MOSPD1: variants seen among roughly 807,000 people sequenced by gnomAD.
The protein encoded by MOSPD1 is motile sperm domain-containing protein 1.
Under a neutral mutation model 16.7 loss-of-function variants are expected in MOSPD1, and 5 were observed. The observed-to-expected ratio is 0.30, with a 90% CI of 0.16 to 0.63. The LOEUF is 0.63. Ranked by LOEUF, MOSPD1 falls within the 30% of genes least tolerant of loss-of-function variation. MOSPD1 has a pLI of 0.82. For synonymous variants in MOSPD1, 67 were observed against 59.2 expected (o/e 1.13, Z -0.61); for missense variants, 104 against 153.6 (o/e 0.68, Z 1.71).
In MOSPD1 at chrX:134,888,524, A is replaced by T. The variant is rs2148388285; in HGVS notation, c.*637T>A. The T allele has an allele frequency of 9.0e-6, 1 of 111,438 alleles. No individual in the cohort carries two copies. Among genetic ancestry groups the T allele is most frequent in the Admixed American group, 9.6e-5 (1 of 10,432 alleles). 9.2% of individuals were successfully genotyped at this position (111,438 alleles called of 1,213,427 possible). ...ACCCTACTTCTATTAGGTTTTTTAA[A>T]AAAAAACCCCTATGATTCTTGGTGT... On this transcript the variant is annotated 3_prime_UTR_variant, in exon 6 of 6. Transcript: ENST00000370783.
chrX:134,896,836 A>G lies in MOSPD1; in HGVS notation c.429T>C (p.Phe143=). The part of the protein sequence containing the change: ...LKEHLTESLF[F]EQSFQPENRA... ...AACTACCTGGTTGAAACGACTGCTC[A>G]AAAAATAAACTTTCAGTTAAATGTT... The change falls in exon 4 of 6, where the codon TTT becomes TTC. Residue 143 remains phenylalanine, a synonymous_variant. Transcript: ENST00000370783. The G allele has an allele frequency of 8.3e-7, 1 of 1,210,642 alleles. No individual in the cohort carries two copies. Among genetic ancestry groups the G allele is most frequent in the Non-Finnish European group, 1.1e-6 (1 of 894,500 alleles).
intron 4 of MOSPD1, among the ~76,000 whole-genome samples, chrX:134,893,889 G>A (rs1229775698): frequency 1.8e-5 from 2 of 111,229 alleles, no homozygotes; most frequent in South Asian, 3.7e-4. Context: ...CAATAATTAA[G>A]ACCATAATTT....
At chrX:134,895,927 C>G (rs2082883003) in intron 4 of MOSPD1, among the ~76,000 whole-genome samples, 1 of 111,279 alleles carries the variant, frequency 9.0e-6, no homozygotes, top group Non-Finnish European at 1.9e-5. Context: ...TACAGTAAAT[C>G]AAAGAGGCAC....
intron 1 of MOSPD1, among the ~76,000 whole-genome samples, chrX:134,902,125 C>G (rs73570743): frequency 0.026 from 2,897 of 111,211 alleles, 101 homozygotes; most frequent in African/African-American, 0.091. Flanking sequence ...AAGGTTGAAG[C>G]CTGGCGCCAT....
intron 4 of MOSPD1, among the ~76,000 whole-genome samples, chrX:134,893,795 C>A (rs182486564): frequency 2.1e-3 from 234 of 111,411 alleles, no homozygotes; most frequent in African/African-American, 7.1e-3. Flanking sequence ...GTCTGCCTGG[C>A]ACACTATCTT....
chrX:134,904,664 C>T (rs750437407), intron 1 of MOSPD1, among the ~76,000 whole-genome samples: 167 of 110,607 alleles, frequency 1.5e-3, no homozygotes, highest in African/African-American at 5.3e-3. Context: ...GAGTTTCAGA[C>T]CAGCCTGACC....
intron 3 of MOSPD1, among the ~76,000 whole-genome samples, chrX:134,897,890 C>T (rs1324130840): frequency 1.8e-5 from 2 of 111,674 alleles, no homozygotes; most frequent in East Asian, 5.6e-4. Flanking sequence ...TTTTTTGAGA[C>T]GGAGTTTCAC....
At chrX:134,912,728 A>T (rs1307155830) in intron 1 of MOSPD1, among the ~76,000 whole-genome samples, 2 of 106,872 alleles carry the variant, frequency 1.9e-5, no homozygotes, top group African/African-American at 6.8e-5. Context: ...TCACGAGGTC[A>T]GGAGATCGAG....
At chrX:134,909,111 CA>C (rs200012314) in intron 1 of MOSPD1, among the ~76,000 whole-genome samples, 6 of 105,600 alleles carry the variant, frequency 5.7e-5, no homozygotes, top group Admixed American at 1.0e-4. Context: ...ACTAAAAATA[CA>C]AAAAAAAAAT....
rs1329703628 is a variant in MOSPD1 at position 134,888,347 on chromosome X, T to C, written c.*814A>G. On this transcript the variant is annotated 3_prime_UTR_variant, in exon 6 of 6. Coordinates refer to ENST00000370783, the MANE Select transcript of MOSPD1 (RefSeq NM_019556.3). ...TGGTATCTGGTAATCCCAGTCTGGG[T>C]AAGTCAGGCAGGGAGGGGCTTGGAA... 1 of 111,938 alleles carries C rather than the reference T, an allele frequency of 8.9e-6. No individual in the cohort carries two copies. Among genetic ancestry groups the C allele is most frequent in the Non-Finnish European group, 1.9e-5 (1 of 53,105 alleles). The allele number at this position is 111,938 out of a possible 1,213,427, so 9.2% of individuals were successfully genotyped here.
intron 1 of MOSPD1, among the ~76,000 whole-genome samples, chrX:134,900,905 A>C (rs1341028733): frequency 8.9e-6 from 1 of 111,736 alleles, no homozygotes; most frequent in South Asian, 3.7e-4. Context: ...TAAAATGTAC[A>C]ATCAGAGAAA....
chrX:134,903,726 A>AAG (rs1556360331), intron 1 of MOSPD1, among the ~76,000 whole-genome samples: 5 of 102,841 alleles, frequency 4.9e-5, no homozygotes, highest in African/African-American at 1.0e-4. Context: ...AAAAAAAAAA[A>AAG]AAAGAAAGAA....
At chrX:134,902,729 G>A (rs762455445) in intron 1 of MOSPD1, among the ~76,000 whole-genome samples, 2 of 109,196 alleles carry the variant, frequency 1.8e-5, no homozygotes, top group South Asian at 4.0e-4. Context: ...GGGACATTGA[G>A]GCTACAGTGA....
In MOSPD1 at chrX:134,899,146, A is replaced by G. The variant is rs773866360; in HGVS notation, c.174T>C (p.Asn58=). ...LKFKVLCTTP[N]KYVVVDAAGA... is the part of the protein sequence containing the mutation. ...CTGCAGCATCAACGACAACATACTT[A>G]TTTGGAGTAGTACACAAAACTGAAA... The change falls in exon 3 of 6, where the codon AAT becomes AAC. Residue 58 remains asparagine (N), a synonymous_variant. Transcript: ENST00000370783. 5.1e-5 allele frequency: 61 copies of G among 1,205,280 alleles called. No individual in the cohort carries two copies. Among genetic ancestry groups the G allele is most frequent in the Non-Finnish European group, 1.3e-5 (12 of 892,699 alleles).
At chrX:134,894,981 A>C (rs2082878763) in intron 4 of MOSPD1, among the ~76,000 whole-genome samples, 1 of 112,183 alleles carries the variant, frequency 8.9e-6, no homozygotes. Flanking sequence ...TGCTAGCATC[A>C]CCTATCCTCA....
intron 1 of MOSPD1, chrX:134,900,047 T>C (rs1011465210): frequency 2.7e-5 from 3 of 112,226 alleles, no homozygotes; most frequent in African/African-American, 9.7e-5. Flanking sequence ...AAGAAGTTTA[T>C]ACATGCTCCT....
intron 1 of MOSPD1, chrX:134,899,885 G>A (rs1357589493): frequency 9.0e-6 from 1 of 111,421 alleles, no homozygotes; most frequent in East Asian, 2.8e-4. Context: ...GAACCTGGGA[G>A]GTAAAGGATG....
In MOSPD1 at chrX:134,909,232, T is replaced by C. The variant is rs539760188; in HGVS notation, c.-102+5950A>G. Among the ~76,000 whole-genome samples, 4 of 110,038 alleles carry C rather than the reference T, an allele frequency of 3.6e-5. No homozygotes were observed. The South Asian group carries it at 1.6e-3, about 44-fold the overall frequency. On this transcript the variant is annotated intron_variant, in intron 1 of 5. Transcript: ENST00000370783. ...CTTGCAGTGAGCCGAGATCCGCCAC[T>C]GCACTCCAGCCTGGGCGACAGGCGA...
Position 134,891,550 on chromosome X carries a change from T to A in MOSPD1, c.539A>T (p.Asp180Val). The change falls in exon 5 of 6, where the codon GAT becomes GTT. Residue 180 changes from aspartate to valine, a missense_variant. Asp to Val is a radical substitution (Grantham distance 152). This residue lies in a region of MOSPD1 where 15 missense variants were observed against 27.9 expected (regional missense o/e 0.54). Transcript: ENST00000370783. ...GTAGAGAGGCACCAGCGATTCCACA[T>A]CCCCCAGTGTAGGCAGCATCAGGGC... is the stretch of plus-strand genomic sequence containing the variant. ...IAALMLPTLG[D>V]VESLVPLYLH... is the part of the protein sequence containing the mutation. The A allele has an allele frequency of 8.3e-7, 1 of 1,210,781 alleles. No homozygotes were observed. Among genetic ancestry groups the A allele is most frequent in the Non-Finnish European group, 1.1e-6 (1 of 895,031 alleles).
Sources: gnomAD v4.1 joint callset for allele counts (sites outside exome capture counted in the v4.1 genomes callset) on GRCh38, gnomAD v4.1.1 for gene constraint, gnomAD v4.1.1 regional missense constraint, MANE v1.5 for transcripts, NCBI Gene and HGNC (gene_info 2026-07-23, HGNC 2026-07-21) for gene names.